The following PTPN13 variants were observed in gnomAD, a reference collection of about 807,000 sequenced individuals.
PTPN13 encodes the protein protein tyrosine phosphatase non-receptor type 13.
A neutral mutation model predicts 284.0 loss-of-function variants in PTPN13; 191 were observed. That is an observed-to-expected ratio of 0.67 (90% CI 0.60 to 0.76). The LOEUF is 0.76. Among genes scored for constraint, PTPN13 ranks in the 30% least tolerant of loss-of-function variants. The pLI is 0.00. For missense variants in PTPN13, 2,797 were observed against 2,939.9 expected, an observed-to-expected ratio of 0.95 and a Z score of 1.12; for synonymous variants, 986 against 1,022.3, an observed-to-expected ratio of 0.96 and a Z score of 0.68.
At chr4:86,687,663 T>C (rs1729593748) in intron 4 of PTPN13, among the ~76,000 whole-genome samples, 1 of 152,116 alleles carries the variant, frequency 6.6e-6, no homozygotes, top group Non-Finnish European at 1.5e-5. Flanking sequence ...GTATATTTTC[T>C]TTTTCTCTTC....
At chr4:86,770,511 A>G (rs928214036) in intron 30 of PTPN13, among the ~76,000 whole-genome samples, 1 of 152,216 alleles carries the variant, frequency 6.6e-6, no homozygotes, top group African/African-American at 2.4e-5. Flanking sequence ...CTGCAAAACA[A>G]TGGTTAAAAA....
chr4:86,715,126 G>A (rs1732867331), intron 7 of PTPN13, among the ~76,000 whole-genome samples: 1 of 152,166 alleles, frequency 6.6e-6, no homozygotes, highest in South Asian at 2.1e-4. Flanking sequence ...TAGTAACACA[G>A]GTACAGAATT....
chr4:86,604,983 G>C (rs1167795277), intron 1 of PTPN13, among the ~76,000 whole-genome samples: 2 of 151,970 alleles, frequency 1.3e-5, no homozygotes, highest in Non-Finnish European at 2.9e-5. Context: ...GATTCACTTG[G>C]GGAGTAGAGT....
intron 3 of PTPN13, among the ~76,000 whole-genome samples, chr4:86,677,931 A>G (rs1728477129): frequency 6.6e-6 from 1 of 152,164 alleles, no homozygotes; most frequent in Non-Finnish European, 1.5e-5. Context: ...ACCAAAATGG[A>G]TCCTAAAATA....
At chr4:86,786,014 A>T in intron 40 of PTPN13, 78 bp downstream of exon 40, 4 of 721,286 alleles carry the variant, frequency 5.5e-6, no homozygotes, top group African/African-American at 1.8e-5. Context: ...TGAAATAATC[A>T]GAGATTCTTT....
chr4:86,672,326 T>C (rs1727798246), intron 2 of PTPN13, 39 bp from the exon 3 acceptor site: 3 of 1,413,834 alleles, frequency 2.1e-6, no homozygotes, highest in South Asian at 1.4e-5. Context: ...AATTTTCTTC[T>C]TTTTTTTTAT....
chr4:86,661,579 G>A (rs1726491218), intron 2 of PTPN13, among the ~76,000 whole-genome samples: 1 of 152,148 alleles, frequency 6.6e-6, no homozygotes, highest in South Asian at 2.1e-4. Flanking sequence ...AGAGAGGGGT[G>A]AGGGAGTTAT....
At chr4:86,762,098 G>A (rs565779054) in intron 23 of PTPN13, among the ~76,000 whole-genome samples, 11 of 152,182 alleles carry the variant, frequency 7.2e-5, no homozygotes, top group East Asian at 1.9e-4. Flanking sequence ...TCAGCCTCCC[G>A]AGCAGCTGGG....
intron 9 of PTPN13, among the ~76,000 whole-genome samples, chr4:86,720,082 T>C (rs1022154310): frequency 2.6e-5 from 4 of 152,168 alleles, no homozygotes; most frequent in African/African-American, 9.6e-5. Context: ...GTAGTTACTA[T>C]TATGCCCACT....
intron 1 of PTPN13, among the ~76,000 whole-genome samples, chr4:86,628,987 G>C (rs1371307930): frequency 6.6e-6 from 1 of 151,920 alleles, no homozygotes; most frequent in Non-Finnish European, 1.5e-5. Flanking sequence ...CTTTATAGCA[G>C]CATGATTTAT....
Position 86,672,462 on chromosome 4 carries a change from T to G in PTPN13, c.213T>G (p.Ile71Met). 1 of 1,593,732 alleles carries G rather than the reference T, an allele frequency of 6.3e-7. No homozygotes were observed. Among genetic ancestry groups the G allele is most frequent in the Non-Finnish European group, 8.6e-7 (1 of 1,169,306 alleles). The change falls in exon 3 of 48, where the codon ATT becomes ATG. Residue 71 changes from isoleucine (I) to methionine (M), a missense_variant. By Grantham distance (10) the Ile-to-Met change is conservative. Coordinates refer to ENST00000411767, the MANE Select transcript of PTPN13 (RefSeq NM_080683.3). ...GTGTGTCATTTACAGATGAAAATAT[T>G]TCCAATCAGGATCTTCGAGCATTCA... ...SGSVSFTDEN[I>M]SNQDLRAFTA...
chr4:86,719,776 A>C (rs1733448303), intron 9 of PTPN13, among the ~76,000 whole-genome samples: 1 of 152,046 alleles, frequency 6.6e-6, no homozygotes, highest in Non-Finnish European at 1.5e-5. Context: ...ATCTTCTTTT[A>C]AGGGTGTCTT....
intron 2 of PTPN13, among the ~76,000 whole-genome samples, chr4:86,650,277 A>G (rs991451795): frequency 1.3e-5 from 2 of 152,038 alleles, no homozygotes; most frequent in African/African-American, 4.8e-5. Flanking sequence ...ATGAGCTACA[A>G]CGTCTGGCCT....
intron 31 of PTPN13, among the ~76,000 whole-genome samples, chr4:86,771,761 A>T (rs1218881268): frequency 6.6e-6 from 1 of 152,232 alleles, no homozygotes; most frequent in East Asian, 1.9e-4. Flanking sequence ...CCTCTTGAGC[A>T]TATTTACTAG....
At chr4:86,611,449 A>G (rs1719873227) in intron 1 of PTPN13, among the ~76,000 whole-genome samples, 1 of 152,216 alleles carries the variant, frequency 6.6e-6, no homozygotes, top group African/African-American at 2.4e-5. Context: ...GTGGTTCAGT[A>G]CAGAGAAATA....
At chr4:86,781,197 A>G (rs1043089080) in intron 36 of PTPN13, among the ~76,000 whole-genome samples, 1 of 152,168 alleles carries the variant, frequency 6.6e-6, no homozygotes, top group Non-Finnish European at 1.5e-5. Context: ...TTATCTTTCT[A>G]GGCAGAATTA....
At chr4:86,758,124 A>G (rs1347849038) in intron 20 of PTPN13, 136 bp from the exon 21 acceptor site, 1 of 531,190 alleles carries the variant, frequency 1.9e-6, no homozygotes, top group South Asian at 3.5e-5. Flanking sequence ...TGTTAACAGT[A>G]TCAGTAAACT....
chr4:86,747,302 C>T (rs1260118231), intron 17 of PTPN13, among the ~76,000 whole-genome samples: 1 of 152,190 alleles, frequency 6.6e-6, no homozygotes. Context: ...GCCTTAGTTA[C>T]TTTATCTATA....
intron 2 of PTPN13, among the ~76,000 whole-genome samples, chr4:86,649,274 C>G (rs1409810435): frequency 4.6e-5 from 7 of 152,088 alleles, no homozygotes; most frequent in Non-Finnish European, 7.4e-5. Context: ...GCCTATACTT[C>G]TGAGATCTTA....
Sources: allele counts gnomAD v4.1 joint callset (sites outside exome capture counted in the v4.1 genomes callset), GRCh38; gene constraint gnomAD v4.1.1; transcripts MANE v1.5; gene names NCBI Gene and HGNC (gene_info 2026-07-23, HGNC 2026-07-21).